Variants in SEPTIN12 observed in about 807,000 individuals in gnomAD.
SEPTIN12 encodes the protein septin 12.
A neutral mutation model predicts 37.7 loss-of-function variants in SEPTIN12; 42 were observed. The observed-to-expected ratio is 1.11, with a 90% confidence interval of 0.87 to 1.44. The LOEUF (loss-of-function observed/expected upper bound fraction) is 1.44. SEPTIN12 is among the 40% of genes most tolerant of loss of function. The pLI, the probability that SEPTIN12 is intolerant of heterozygous loss-of-function variation, is 0.00. For missense variants in SEPTIN12, 613 were observed against 479.2 expected (o/e 1.28, Z -2.61); for synonymous variants, 254 against 196.7 (o/e 1.29, Z -2.44).
At chr16:4,791,728 C>T (rs2082553946), upstream of SEPTIN12, among the ~76,000 whole-genome samples, 1 of 152,182 alleles carries the variant, frequency 6.6e-6, no homozygotes, top group African/African-American at 2.4e-5. Flanking sequence ...CACTCTGTCA[C>T]CCAGGCTGGA....
intron 2 of SEPTIN12, among the ~76,000 whole-genome samples, chr16:4,786,802 T>A (rs886226987): frequency 1.2e-4 from 19 of 152,042 alleles, no homozygotes; most frequent in Admixed American, 5.2e-4. Flanking sequence ...CATGTCACCA[T>A]GCCTGGCTAA....
chr16:4,779,582 A>T, intron 8 of SEPTIN12, 108 bp downstream of exon 8: 1 of 767,486 alleles, frequency 1.3e-6, no homozygotes, highest in Admixed American at 1.9e-5. Context: ...CTCTTTGTCT[A>T]GTGGGCTTCA....
intron 7 of SEPTIN12, among the ~76,000 whole-genome samples, chr16:4,781,832 CGG>C (rs926639547): frequency 2.0e-5 from 3 of 150,606 alleles, no homozygotes; most frequent in South Asian, 2.1e-4. Flanking sequence ...TTAGGAGAGA[CGG>C]GATTTCTCCA....
At chr16:4,785,188 T>C (rs892191566) in intron 4 of SEPTIN12, among the ~76,000 whole-genome samples, 1 of 151,018 alleles carries the variant, frequency 6.6e-6, no homozygotes, top group Non-Finnish European at 1.5e-5. Flanking sequence ...GAGGCGGAGG[T>C]TGCAGTGAGC....
intron 2 of SEPTIN12, 24 bp from the exon 3 acceptor site, chr16:4,786,129 G>A (rs748297110): frequency 1.3e-6 from 2 of 1,566,014 alleles, no homozygotes; most frequent in Middle Eastern, 1.8e-4. Flanking sequence ...CCGGATGACA[G>A]CAGTTAGGGT....
chr16:4,784,114 G>C (rs780024237), intron 4 of SEPTIN12, 46 bp from the exon 5 acceptor site: 2 of 1,609,346 alleles, frequency 1.2e-6, no homozygotes, highest in Non-Finnish European at 1.7e-6. Context: ...GCTGTGCCCA[G>C]AGAGCCCCAC....
At position 4,787,946 on chromosome 16, in the gene SEPTIN12, G is replaced by A. The variant is rs146611113; in HGVS notation, c.-22-279C>T. The stretch of plus-strand genomic sequence containing the variant: ...AGCCCAGGCAGGGGCCTCTCAGGTC[G>A]CTTCCCCCAGCAGAGCCTGGAGGGC... On this transcript the variant is annotated intron_variant, in intron 1 of 9. Transcript: ENST00000268231. 395 of 323,248 alleles carry A rather than the reference G, an allele frequency of 1.2e-3. 3 individuals carry two copies. In the East Asian group the frequency reaches 0.021, roughly 17 times the overall value. The allele number at this position is 323,248 out of a possible 1,614,324, so 20.0% of individuals were successfully genotyped here. A position where few individuals can be genotyped will look rare whatever the true frequency, so the allele number is the denominator to read the frequency against.
chr16:4,786,001 G>T lies in SEPTIN12; in HGVS notation c.271C>A (p.Gln91Lys), dbSNP rs371802822. 2.9e-5 allele frequency: 47 copies of T among 1,613,390 alleles called. No homozygotes were observed. Among genetic ancestry groups the T allele is most frequent in the Non-Finnish European group, 4.0e-5 (47 of 1,179,718 alleles). Reference protein sequence around the residue: ...GLGVPTPQTLQLHSLTHVIEE... With the variant: ...GLGVPTPQTLKLHSLTHVIEE... Reference sequence around the variant, plus strand: ...TCACCATGGGTCAGTGAATGCAGCTGCAGCGTCTGGGGTGTGGGCACCCCC... The same window carrying T: ...TCACCATGGGTCAGTGAATGCAGCTTCAGCGTCTGGGGTGTGGGCACCCCC... The change falls in exon 3 of 10, where the codon CAG (glutamine) becomes AAG (lysine). Residue 91 changes from glutamine to lysine, a missense_variant. Gln to Lys is a moderately conservative substitution (Grantham distance 53, BLOSUM62 1). Transcript: ENST00000268231.
intron 4 of SEPTIN12, 141 bp from the exon 5 acceptor site, chr16:4,784,209 A>AC: frequency 1.3e-6 from 1 of 793,330 alleles, no homozygotes; most frequent in South Asian, 1.6e-5. Flanking sequence ...TCACCCCGGT[A>AC]CTTTCCCCCA....
At chr16:4,779,337 C>T (rs1449959625) in intron 8 of SEPTIN12, among the ~76,000 whole-genome samples, 1 of 152,116 alleles carries the variant, frequency 6.6e-6, no homozygotes, top group Non-Finnish European at 1.5e-5. Flanking sequence ...TTACCGTGCA[C>T]TGCAGTAACT....
chr16:4,780,815 G>A (rs2082364151), intron 7 of SEPTIN12, among the ~76,000 whole-genome samples: 1 of 152,022 alleles, frequency 6.6e-6, no homozygotes, highest in Non-Finnish European at 1.5e-5. Context: ...CCTGTCTCTA[G>A]GAAAAATAAA....
intron 8 of SEPTIN12, among the ~76,000 whole-genome samples, chr16:4,778,534 C>A (rs1381195706): frequency 4.6e-5 from 7 of 152,202 alleles, no homozygotes. Flanking sequence ...GGCGCGGTGG[C>A]TCACGCCTAT....
chr16:4,782,322 G>C (rs963648096), intron 7 of SEPTIN12, among the ~76,000 whole-genome samples: 14 of 152,162 alleles, frequency 9.2e-5, no homozygotes, highest in Non-Finnish European at 2.1e-4. Context: ...GTAGGGAATA[G>C]GCCGCACTGT....
chr16:4,779,677 GC>G lies in SEPTIN12; in HGVS notation c.823+12del. 1 of 1,566,870 alleles carries G rather than the reference GC, an allele frequency of 6.4e-7. No individual in the cohort carries two copies. The highest frequency in any genetic ancestry group is 8.8e-7 in the Non-Finnish European group (1 of 1,137,244). On this transcript the variant is annotated intron_variant, in intron 8 of 9. Coordinates refer to ENST00000268231, the MANE Select transcript of SEPTIN12 (RefSeq NM_144605.5). ...GACCCCACCTGCATCCTACCCAGGG[GC>G]CCCGCACTGACCTTCAATGATGCCC... is the stretch of plus-strand genomic sequence containing the variant.
At position 4,777,969 on chromosome 16, in the gene SEPTIN12, G is replaced by C. The variant is rs1567554898; in HGVS notation, c.905C>G (p.Thr302Ser). 5.6e-6 allele frequency: 9 copies of C among 1,611,390 alleles called. No homozygotes were observed. The highest frequency in any genetic ancestry group is 1.7e-5 in the Admixed American group (1 of 59,376). ...RSHLQDLKDITHNIHYENYRV... is the reference protein window; with the variant it reads ...RSHLQDLKDISHNIHYENYRV... Reference sequence around the variant, plus strand: ...GTAGTTCTCATAGTGGATGTTGTGGGTTATGTCCTTCAGGTCTTGGAGGTG... The same window carrying C: ...GTAGTTCTCATAGTGGATGTTGTGGCTTATGTCCTTCAGGTCTTGGAGGTG... The change falls in exon 10 of 10, where the codon ACC becomes AGC. Residue 302 changes from threonine to serine, a missense_variant. Coordinates refer to ENST00000268231, the MANE Select transcript of SEPTIN12 (RefSeq NM_144605.5).
At chr16:4,782,822 C>G (rs2141871182) in intron 7 of SEPTIN12, among the ~76,000 whole-genome samples, 1 of 152,048 alleles carries the variant, frequency 6.6e-6, no homozygotes, top group East Asian at 1.9e-4. Flanking sequence ...CCAGGCTGGT[C>G]TCGAACTCCT....
upstream of SEPTIN12, among the ~76,000 whole-genome samples, chr16:4,791,561 CATTGGTGGGTCTT>C (rs2082551497): frequency 2.6e-5 from 4 of 152,286 alleles, no homozygotes; most frequent in South Asian, 6.2e-4. Flanking sequence ...CAAGCTCACA[CATTGGTGGGTCTT>C]ATGGCATGCA....
At chr16:4,783,400 G>A in intron 7 of SEPTIN12, 62 bp downstream of exon 7, 1 of 1,202,172 alleles carries the variant, frequency 8.3e-7, no homozygotes, top group Non-Finnish European at 1.2e-6. Context: ...ATGAGTCTTT[G>A]GATGGAAAGG....
At chr16:4,781,544 A>G (rs537364136) in intron 7 of SEPTIN12, among the ~76,000 whole-genome samples, 12 of 152,242 alleles carry the variant, frequency 7.9e-5, no homozygotes, top group African/African-American at 2.4e-4. Context: ...ATGGAATCCC[A>G]TAATACGTGA....
Sources: allele counts gnomAD v4.1 joint callset (sites outside exome capture counted in the v4.1 genomes callset), GRCh38; gene constraint gnomAD v4.1.1; transcripts MANE v1.5; gene names NCBI Gene and HGNC (gene_info 2026-07-23, HGNC 2026-07-21).